FER1L6: variants seen among roughly 807,000 people sequenced by gnomAD.
FER1L6 encodes fer-1 like family member 6.
In FER1L6, 177 loss-of-function variants were observed where a neutral mutation model predicts 219.2. That is an observed-to-expected ratio of 0.81 (90% CI 0.71 to 0.91). The LOEUF is 0.91. FER1L6 is among the 40% of genes least tolerant of loss of function. FER1L6 has a pLI of 0.00. For synonymous variants in FER1L6, 768 were observed against 824.3 expected (o/e 0.93, Z 1.17); for missense variants, 2,153 against 2,259.9 (o/e 0.95, Z 0.96).
At chr8:124,115,728 T>C (rs2131041493) in intron 39 of FER1L6, among the ~76,000 whole-genome samples, 1 of 152,332 alleles carries the variant, frequency 6.6e-6, no homozygotes, top group South Asian at 2.1e-4. Flanking sequence ...CATTTATTTT[T>C]CAAAGCAACC....
chr8:124,034,275 C>G (rs369598322), intron 18 of FER1L6, among the ~76,000 whole-genome samples: 176 of 152,276 alleles, frequency 1.2e-3, no homozygotes, highest in African/African-American at 3.9e-3. Flanking sequence ...ATAGGTTACT[C>G]TCAGAATGAT....
Position 124,023,560 on chromosome 8 carries a change from C to A in FER1L6, c.2250C>A (p.Gly750=). 2 of 1,614,134 alleles carry A rather than the reference C, an allele frequency of 1.2e-6. No homozygotes were observed. Among genetic ancestry groups the A allele is most frequent in the Non-Finnish European group, 1.7e-6 (2 of 1,180,008 alleles). Residue 750 remains glycine (G), a synonymous_variant, in exon 18 of 41, where the codon GGC becomes GGA. Coordinates refer to ENST00000522917, the MANE Select transcript of FER1L6 (RefSeq NM_001039112.2). Reference sequence around the variant, plus strand: ...ATTCCCCTGTCGCGGGGCAGATGGGCAAACACTGCGGCAAGATCAAAACTC... The same window carrying A: ...ATTCCCCTGTCGCGGGGCAGATGGGAAAACACTGCGGCAAGATCAAAACTC... ...LLYSPVAGQM[G]KHCGKIKTHF...
intron 6 of FER1L6, among the ~76,000 whole-genome samples, chr8:123,972,541 A>G (rs781779753): frequency 6.6e-6 from 1 of 152,120 alleles, no homozygotes; most frequent in Non-Finnish European, 1.5e-5. Flanking sequence ...TGGGGGCATA[A>G]CTTGATTATT....
chr8:123,938,279 C>G (rs1814083361), intron 1 of FER1L6, among the ~76,000 whole-genome samples: 1 of 152,200 alleles, frequency 6.6e-6, no homozygotes, highest in South Asian at 2.1e-4. Flanking sequence ...TCCCATTAAG[C>G]TTCACACATT....
intron 1 of FER1L6, among the ~76,000 whole-genome samples, chr8:123,918,142 T>G (rs1563684733): frequency 6.6e-6 from 1 of 152,024 alleles, no homozygotes; most frequent in Non-Finnish European, 1.5e-5. Flanking sequence ...AAACCCCATC[T>G]CTATAAAAAT....
At chr8:123,878,277 T>C (rs752080082) in intron 1 of FER1L6, among the ~76,000 whole-genome samples, 1 of 152,238 alleles carries the variant, frequency 6.6e-6, no homozygotes, top group Non-Finnish European at 1.5e-5. Flanking sequence ...GAGACATTTT[T>C]GCTCCCAAAT....
Position 123,857,092 on chromosome 8 carries a change from T to C in FER1L6, c.-8+4907T>C, listed in dbSNP as rs139188661. Among the ~76,000 whole-genome samples the C allele has an allele frequency of 1.4e-3, 215 of 152,324 alleles. 1 individual carries two copies. The highest frequency in any genetic ancestry group is 5.0e-3 in the African/African-American group (207 of 41,568). ...TCTTTACTTTTTCCAACCACTGCCATCTCTTACTCTGATGGATTTTTCTTC... is the reference window on the plus strand; with the variant it reads ...TCTTTACTTTTTCCAACCACTGCCACCTCTTACTCTGATGGATTTTTCTTC... On this transcript the variant is annotated intron_variant, in intron 1 of 40. Coordinates refer to ENST00000522917, the MANE Select transcript of FER1L6 (RefSeq NM_001039112.2).
chr8:123,891,522 G>A (rs571039105), intron 1 of FER1L6, among the ~76,000 whole-genome samples: 16 of 152,056 alleles, frequency 1.1e-4, no homozygotes, highest in African/African-American at 3.9e-4. Flanking sequence ...TCATTAGAAT[G>A]TTAGCAATTA....
intron 12 of FER1L6, among the ~76,000 whole-genome samples, chr8:123,994,968 G>A (rs537428440): frequency 4.6e-5 from 7 of 152,284 alleles, no homozygotes; most frequent in Admixed American, 6.5e-5. Flanking sequence ...CTTCCTCCAT[G>A]GCCTGGATTG....
intron 1 of FER1L6, among the ~76,000 whole-genome samples, chr8:123,950,089 A>C (rs1249497832): frequency 1.3e-5 from 2 of 152,134 alleles, no homozygotes; most frequent in Non-Finnish European, 2.9e-5. Flanking sequence ...TGGAATAGGA[A>C]AGACGAACCA....
intron 1 of FER1L6, among the ~76,000 whole-genome samples, chr8:123,854,204 G>A (rs149589327): frequency 0.012 from 1,762 of 152,222 alleles, 30 homozygotes; most frequent in Admixed American, 0.056. Context: ...GAGCTGTTTC[G>A]AGGAAGTTAT....
At chr8:123,990,517 T>C (rs962303889) in intron 12 of FER1L6, among the ~76,000 whole-genome samples, 4 of 152,190 alleles carry the variant, frequency 2.6e-5, no homozygotes, top group Non-Finnish European at 5.9e-5. Flanking sequence ...TGGCCATTTG[T>C]ATTATCTTCT....
rs976026572 is a variant in FER1L6, at chr8:123,853,033, G to A, written c.-8+848G>A. ...ATTTTATTCTTATTTTTGTAGAGAC[G>A]GGGCCTCGCTATGTTGCTCAGGTTG... On this transcript the variant is annotated intron_variant, in intron 1 of 40. Transcript: ENST00000522917. This position sits in a 1 kb window ranked among gnomAD's most constrained non-coding sequence, Gnocchi z 6.6. Among the ~76,000 whole-genome samples, 8 of 152,176 alleles carry A rather than the reference G, an allele frequency of 5.3e-5. No homozygotes were observed. The highest frequency in any genetic ancestry group is 2.1e-4 in the South Asian group (1 of 4,810).
chr8:124,112,186 C>T (rs978947315), intron 39 of FER1L6, among the ~76,000 whole-genome samples: 2 of 152,146 alleles, frequency 1.3e-5, no homozygotes, highest in Middle Eastern at 3.2e-3. Context: ...ACTCTCCTCC[C>T]GTTCTTTGAA....
In FER1L6 at chr8:124,067,769, A is replaced by G. The variant is rs183456095; in HGVS notation, c.3681A>G (p.Ala1227=). 1.6e-4 allele frequency: 264 copies of G among 1,611,958 alleles called. No individual in the cohort carries two copies. The African/African-American group carries it at 2.8e-3, about 17-fold the overall frequency. ...YYASLKKAQK[A]KERNPKGKKG... is the part of the protein sequence containing the mutation. ...TAATATTGTCTCCTTTTTCAAAGGC[A>G]AAGGAGAGAAATCCCAAGGGAAAAA... is the stretch of plus-strand genomic sequence containing the variant. The change falls in exon 28 of 41, where the codon GCA becomes GCG. Residue 1227 remains alanine, a splice_region_variant and synonymous_variant. Transcript: ENST00000522917.
intron 29 of FER1L6, 22 bp from the exon 30 acceptor site, chr8:124,070,445 A>G (rs1399398666): frequency 1.9e-6 from 3 of 1,611,658 alleles, no homozygotes; most frequent in Non-Finnish European, 1.7e-6. Context: ...TCTTAGCACA[A>G]TCTTCTCCCT....
At chr8:124,071,369 C>G in intron 30 of FER1L6, 137 bp from the exon 31 acceptor site, 1 of 1,091,816 alleles carries the variant, frequency 9.2e-7, no homozygotes, top group East Asian at 2.4e-5. Flanking sequence ...CCAAGGACAC[C>G]CAACTGGCAA....
At chr8:123,873,930 T>C (rs1816963631) in intron 1 of FER1L6, among the ~76,000 whole-genome samples, 1 of 152,244 alleles carries the variant, frequency 6.6e-6, no homozygotes, top group African/African-American at 2.4e-5. Context: ...TACCTTGGTC[T>C]GATCGTCTTC....
At chr8:124,060,898 C>T in intron 24 of FER1L6, 189 bp downstream of exon 24, 2 of 597,260 alleles carry the variant, frequency 3.3e-6, no homozygotes, top group Non-Finnish European at 5.3e-6. Flanking sequence ...GTGGATCATA[C>T]AGCAATCAAA....
Sources: allele counts gnomAD v4.1 joint callset (sites outside exome capture counted in the v4.1 genomes callset), GRCh38; gene constraint gnomAD v4.1.1; non-coding constraint Gnocchi (gnomAD v3.1); transcripts MANE v1.5; gene names NCBI Gene and HGNC (gene_info 2026-07-23, HGNC 2026-07-21).